Variants in ARL6IP6 observed in about 807,000 individuals in gnomAD.
The protein encoded by ARL6IP6 is ADP-ribosylation factor-like protein 6-interacting protein 6.
Under a neutral mutation model 21.5 loss-of-function variants are expected in ARL6IP6, and 22 were observed. The observed-to-expected ratio is 1.02, with a 90% confidence interval of 0.73 to 1.46. The LOEUF (loss-of-function observed/expected upper bound fraction) is 1.46, where lower values mean the gene tolerates loss of function less well. Ranked by LOEUF, ARL6IP6 falls within the 40% of genes most tolerant of loss-of-function variation. The pLI is 0.00. For missense variants in ARL6IP6, 388 were observed against 299.8 expected (o/e 1.29, Z -2.17); for synonymous variants, 164 against 125.3 (o/e 1.31, Z -2.06).
intron 3 of ARL6IP6, among the ~76,000 whole-genome samples, chr2:152,750,488 A>AG (rs1196456318): frequency 2.9e-4 from 44 of 150,104 alleles, no homozygotes; most frequent in Middle Eastern, 3.4e-3. Context: ...AAAAAAAAAA[A>AG]AGAGAGAGAG....
chr2:152,725,026 A>T (rs768684608), intron 2 of ARL6IP6, among the ~76,000 whole-genome samples: 1 of 152,210 alleles, frequency 6.6e-6, no homozygotes, highest in Non-Finnish European at 1.5e-5. Flanking sequence ...TACACTGTAC[A>T]ATCAGGGCTC....
intron 2 of ARL6IP6, among the ~76,000 whole-genome samples, chr2:152,733,965 T>C (rs2105126035): frequency 6.6e-6 from 1 of 152,258 alleles, no homozygotes; most frequent in South Asian, 2.1e-4. Flanking sequence ...GTGAGTTAAT[T>C]TATAAAATTT....
upstream of ARL6IP6, chr2:152,718,503 G>A: frequency 2.9e-6 from 4 of 1,380,090 alleles, no homozygotes; most frequent in South Asian, 3.4e-5. Flanking sequence ...TGCTCTCCGT[G>A]GTTTACCCCT....
At chr2:152,732,585 G>A (rs886082348) in intron 2 of ARL6IP6, 8 of 446,618 alleles carry the variant, frequency 1.8e-5, no homozygotes, top group African/African-American at 4.1e-5. Flanking sequence ...GCAAAGGTAT[G>A]TTTTATTTAA....
intron 2 of ARL6IP6, among the ~76,000 whole-genome samples, chr2:152,726,006 T>G (rs1347819367): frequency 1.3e-5 from 2 of 152,218 alleles, no homozygotes; most frequent in Non-Finnish European, 2.9e-5. Context: ...TACTGAAGAT[T>G]ACAAGCTTCA....
chr2:152,762,015 CCCT>C lies in ARL6IP6; in HGVS notation c.*2180_*2182del, dbSNP rs1701866952. On this transcript the variant is annotated 3_prime_UTR_variant, in exon 4 of 4. Transcript: ENST00000326446. ...GTTACTCCCCTTTTTTGGGAAATGA[CCCT>C]CCTCTCTCCAGTCTGACACAGGGTC... Among the ~76,000 whole-genome samples, 1 of 151,994 alleles carries C rather than the reference CCCT, an allele frequency of 6.6e-6. No individual in the cohort carries two copies. The highest frequency in any genetic ancestry group is 2.4e-5 in the African/African-American group (1 of 41,394).
chr2:152,718,988 GC>G lies in ARL6IP6; in HGVS notation c.366del (p.Phe123SerfsTer8). 6.3e-7 allele frequency: 1 copy of G among 1,583,976 alleles called. No individual in the cohort carries two copies. Among genetic ancestry groups the G allele is most frequent in the Non-Finnish European group, 8.6e-7 (1 of 1,162,448 alleles). The stretch of plus-strand genomic sequence containing the variant: ...CTCGCTGCTCTTCGCCATTCTTCTC[GC>G]CTTCCTCCTCGCCATCGCCTACTTG... ...LCSLLFAILL[A>X]FLLAIAYLIV... On this transcript the variant is annotated frameshift_variant, in exon 1 of 4. Coordinates refer to ENST00000326446, the MANE Select transcript of ARL6IP6 (RefSeq NM_152522.7). LOFTEE classifies it high-confidence loss of function.
chr2:152,754,633 C>A (rs1225273241), intron 3 of ARL6IP6, among the ~76,000 whole-genome samples: 1 of 152,122 alleles, frequency 6.6e-6, no homozygotes, highest in Non-Finnish European at 1.5e-5. Context: ...TTTTAAGAAA[C>A]CTCCAAACTG....
upstream of ARL6IP6, chr2:152,718,185 A>C (rs1699294309): frequency 3.4e-6 from 2 of 583,324 alleles, no homozygotes; most frequent in South Asian, 1.4e-4. Context: ...AGAAGGGAGA[A>C]GACAAATAGG....
chr2:152,717,989 G>A, upstream of ARL6IP6: 7 of 998,224 alleles, frequency 7.0e-6, no homozygotes, highest in Non-Finnish European at 7.2e-6. Flanking sequence ...ATCTCCGTAC[G>A]CACCAGGTGG....
At chr2:152,741,345 C>CT (rs1700800449) in intron 3 of ARL6IP6, among the ~76,000 whole-genome samples, 1 of 150,530 alleles carries the variant, frequency 6.6e-6, no homozygotes. Flanking sequence ...TCATATATAA[C>CT]TGGTTTGTTA....
At chr2:152,746,478 A>G (rs1216505515) in intron 3 of ARL6IP6, among the ~76,000 whole-genome samples, 1 of 152,188 alleles carries the variant, frequency 6.6e-6, no homozygotes, top group Non-Finnish European at 1.5e-5. Flanking sequence ...AACAACCTAT[A>G]AATTACCAGA....
At chr2:152,718,132 C>A, upstream of ARL6IP6, 4 of 899,804 alleles carry the variant, frequency 4.4e-6, no homozygotes, top group Non-Finnish European at 5.3e-6. Context: ...AGAGAGGTGC[C>A]CTTAATGGGG....
chr2:152,717,958 G>C (rs1019614845), upstream of ARL6IP6: 1 of 1,008,964 alleles, frequency 9.9e-7, no homozygotes, highest in Non-Finnish European at 1.2e-6. Context: ...GCGAAAGGAG[G>C]GGTTCGGAGG....
At chr2:152,723,152 G>C (rs879131228) in intron 2 of ARL6IP6, among the ~76,000 whole-genome samples, 1 of 152,086 alleles carries the variant, frequency 6.6e-6, no homozygotes, top group Admixed American at 6.6e-5. Context: ...AAGAAAAATT[G>C]CCTCATTAGT....
At chr2:152,719,672 G>T (rs1006397297) in intron 1 of ARL6IP6, among the ~76,000 whole-genome samples, 1 of 149,952 alleles carries the variant, frequency 6.7e-6, no homozygotes, top group African/African-American at 2.5e-5. Flanking sequence ...TAGTTGGCTA[G>T]TGTATATTAT....
chr2:152,751,590 AT>A (rs1451978000), intron 3 of ARL6IP6, among the ~76,000 whole-genome samples: 1 of 151,462 alleles, frequency 6.6e-6, no homozygotes, highest in African/African-American at 2.4e-5. Flanking sequence ...CTATGAGCTC[AT>A]TTTTTTTAAG....
intron 3 of ARL6IP6, among the ~76,000 whole-genome samples, chr2:152,741,381 C>CA (rs1032216344): frequency 1.3e-5 from 2 of 149,146 alleles, no homozygotes; most frequent in Non-Finnish European, 3.0e-5. Context: ...GCTATCTCTG[C>CA]AGACTTAAGT....
At chr2:152,752,872 C>A (rs1250348809) in intron 3 of ARL6IP6, among the ~76,000 whole-genome samples, 1 of 152,100 alleles carries the variant, frequency 6.6e-6, no homozygotes, top group Admixed American at 6.6e-5. Flanking sequence ...TTTAGGTTCC[C>A]TGCCCTAGAC....
Sources: allele counts gnomAD v4.1 joint callset (sites outside exome capture counted in the v4.1 genomes callset), GRCh38; gene constraint gnomAD v4.1.1; transcripts MANE v1.5; gene names NCBI Gene and HGNC (gene_info 2026-07-23, HGNC 2026-07-21).